Variants in CRISPLD2 observed in about 807,000 individuals in gnomAD.
CRISPLD2 encodes the protein cysteine-rich secretory protein LCCL domain-containing 2.
In CRISPLD2, 47 loss-of-function variants were observed where a neutral mutation model predicts 71.1. That is an observed-to-expected ratio of 0.66 (90% confidence interval 0.52 to 0.84). The LOEUF is 0.84. Among genes scored for constraint, CRISPLD2 ranks in the 40% least tolerant of loss-of-function variants. The pLI, the probability that CRISPLD2 is intolerant of heterozygous loss-of-function variation, is 0.00. For missense variants in CRISPLD2, 830 were observed against 651.1 expected (o/e 1.27, Z -2.99); for synonymous variants, 317 against 250.1 (o/e 1.27, Z -2.52).
chr16:84,900,789 C>T (rs769141527), intron 14 of CRISPLD2, among the ~76,000 whole-genome samples: 4 of 152,208 alleles, frequency 2.6e-5, no homozygotes, highest in African/African-American at 7.2e-5. Flanking sequence ...CAATGGCTCG[C>T]GCTTATAATC....
intron 3 of CRISPLD2, 178 bp from the exon 4 acceptor site, chr16:84,849,207 T>G: frequency 1.7e-6 from 1 of 596,690 alleles, no homozygotes; most frequent in South Asian, 2.2e-5. Flanking sequence ...CTCCTGGAAT[T>G]GGGGGCTATT....
chr16:84,906,915 A>G lies in CRISPLD2; in HGVS notation c.*273A>G. The G allele has an allele frequency of 1.9e-6, 1 of 530,422 alleles. No individual in the cohort carries two copies. Among genetic ancestry groups the G allele is most frequent in the Non-Finnish European group, 3.4e-6 (1 of 294,924 alleles). 32.9% of individuals were successfully genotyped at this position (530,422 alleles called of 1,614,324 possible). ...ACGTCCTCTCTCCTTTAGAGATCTG[A>G]GCTGTCTCTTAAAGGGGACAGTTGC... On this transcript the variant is annotated 3_prime_UTR_variant, in exon 15 of 15. Coordinates refer to ENST00000262424, the MANE Select transcript of CRISPLD2 (RefSeq NM_031476.4).
intron 6 of CRISPLD2, among the ~76,000 whole-genome samples, chr16:84,866,419 A>G (rs534562284): frequency 2.0e-5 from 3 of 152,202 alleles, no homozygotes; most frequent in African/African-American, 7.2e-5. Flanking sequence ...TATTTTTAGT[A>G]GAGACGGGGT....
intron 6 of CRISPLD2, 89 bp from the exon 7 acceptor site, chr16:84,866,808 T>C (rs982725399): frequency 1.6e-6 from 2 of 1,281,382 alleles, no homozygotes; most frequent in African/African-American, 3.0e-5. Flanking sequence ...CTCAAACACG[T>C]TTAGTTTTCA....
intron 1 of CRISPLD2, among the ~76,000 whole-genome samples, chr16:84,832,395 C>T (rs1275418438): frequency 6.6e-6 from 1 of 152,274 alleles, no homozygotes; most frequent in East Asian, 1.9e-4. Flanking sequence ...TCCCCGACAG[C>T]CCATGCTGCA....
At chr16:84,893,011 C>G (rs2071676181) in intron 14 of CRISPLD2, among the ~76,000 whole-genome samples, 1 of 149,398 alleles carries the variant, frequency 6.7e-6, no homozygotes, top group African/African-American at 2.5e-5. Flanking sequence ...CACTCATTCA[C>G]TGAATATTCA....
chr16:84,863,975 A>T (rs1193998952), intron 6 of CRISPLD2, among the ~76,000 whole-genome samples: 1 of 141,466 alleles, frequency 7.1e-6, no homozygotes, highest in Non-Finnish European at 1.5e-5. Flanking sequence ...AAAAAAAAAA[A>T]GAAAGAAAGA....
rs1285415234 is a variant in CRISPLD2 at position 84,906,713 on chromosome 16, C to A, written c.*71C>A. ...GGTTTTGCTTTTATTTTTATTTTGT[C>A]ATTGCGGGGTATATGGAGAGTCAGG... On this transcript the variant is annotated 3_prime_UTR_variant, in exon 15 of 15. Coordinates refer to ENST00000262424, the MANE Select transcript of CRISPLD2 (RefSeq NM_031476.4). 1 of 1,540,948 alleles carries A rather than the reference C, an allele frequency of 6.5e-7. No individual in the cohort carries two copies. Among genetic ancestry groups the A allele is most frequent in the Admixed American group, 1.7e-5 (1 of 59,880 alleles).
intron 2 of CRISPLD2, among the ~76,000 whole-genome samples, chr16:84,844,485 CT>C (rs138028171): frequency 0.012 from 1,734 of 149,172 alleles, 15 homozygotes; most frequent in Non-Finnish European, 0.016. Context: ...TCTTTTCTTT[CT>C]TTTTTTTTTG....
chr16:84,901,598 A>G (rs998283091), intron 14 of CRISPLD2, among the ~76,000 whole-genome samples: 1 of 149,254 alleles, frequency 6.7e-6, no homozygotes, highest in African/African-American at 2.5e-5. Context: ...CAGCCTCCCG[A>G]GTAGCTGGGA....
At chr16:84,862,592 A>G (rs1917414471) in intron 6 of CRISPLD2, among the ~76,000 whole-genome samples, 1 of 145,552 alleles carries the variant, frequency 6.9e-6, no homozygotes, top group African/African-American at 2.6e-5. Flanking sequence ...GTCTTGGGAT[A>G]TTTCCTCAGG....
chr16:84,894,211 A>G (rs2071686496), intron 14 of CRISPLD2, among the ~76,000 whole-genome samples: 1 of 152,208 alleles, frequency 6.6e-6, no homozygotes, highest in African/African-American at 2.4e-5. Context: ...GTATCAAAGG[A>G]AAGAAAAGAC....
chr16:84,850,841 C>G (rs548549927), intron 5 of CRISPLD2, among the ~76,000 whole-genome samples, 158 bp downstream of exon 5: 5 of 152,244 alleles, frequency 3.3e-5, no homozygotes, highest in East Asian at 1.9e-4. Flanking sequence ...AATAGCTAAG[C>G]AGTGTCAACA....
intron 4 of CRISPLD2, among the ~76,000 whole-genome samples, chr16:84,849,871 C>G (rs956232227): frequency 6.7e-6 from 1 of 148,308 alleles, no homozygotes; most frequent in Non-Finnish European, 1.5e-5. Context: ...TTGTGCACTA[C>G]GAGGCCTGGC....
chr16:84,859,415 T>A (rs991961926), intron 6 of CRISPLD2, among the ~76,000 whole-genome samples: 1 of 152,200 alleles, frequency 6.6e-6, no homozygotes, highest in African/African-American at 2.4e-5. Context: ...ATCATTTCCC[T>A]TTCCCCAGTG....
At chr16:84,900,125 C>T (rs767101882) in intron 14 of CRISPLD2, among the ~76,000 whole-genome samples, 9 of 152,206 alleles carry the variant, frequency 5.9e-5, no homozygotes, top group Non-Finnish European at 7.3e-5. Context: ...TGCGGCCAAG[C>T]GTTCTGCCTG....
At chr16:84,878,298 A>G (rs972788040) in intron 12 of CRISPLD2, among the ~76,000 whole-genome samples, 5 of 152,320 alleles carry the variant, frequency 3.3e-5, no homozygotes, top group Admixed American at 6.5e-5. Flanking sequence ...CAAAGTGTAG[A>G]CATTGTCAGC....
intron 1 of CRISPLD2, among the ~76,000 whole-genome samples, chr16:84,831,844 C>A (rs1042659794): frequency 6.6e-6 from 1 of 152,152 alleles, no homozygotes. Context: ...AAGTGATTTT[C>A]CTGCCTCAGC....
rs992065962 is a variant in CRISPLD2 at position 84,850,376 on chromosome 16, A to G, written c.493-192A>G. Among the ~76,000 whole-genome samples the G allele has an allele frequency of 2.0e-5, 3 of 152,162 alleles. No homozygotes were observed. The East Asian group carries it at 5.8e-4, about 29-fold the overall frequency. Reference sequence around the variant, plus strand: ...AATGCTGAGATGACAGGCGTGAGCCACCGCACCGGCCCACTTGCTTTGCTT... The same window carrying G: ...AATGCTGAGATGACAGGCGTGAGCCGCCGCACCGGCCCACTTGCTTTGCTT... On this transcript the variant is annotated intron_variant, in intron 4 of 14. Transcript: ENST00000262424.
Sources: allele counts gnomAD v4.1 joint callset (sites outside exome capture counted in the v4.1 genomes callset), GRCh38; gene constraint gnomAD v4.1.1; transcripts MANE v1.5; gene names NCBI Gene and HGNC (gene_info 2026-07-23, HGNC 2026-07-21).